The following ZNF639 variants were observed in gnomAD, a reference collection of about 807,000 sequenced individuals.
ZNF639 encodes zinc finger protein 639.
ZNF639 carries 20 observed loss-of-function variants against 39.8 expected under a neutral mutation model. That is an observed-to-expected ratio of 0.50 (90% CI 0.35 to 0.73). The LOEUF (loss-of-function observed/expected upper bound fraction) is 0.73, where lower values mean the gene tolerates loss of function less well. ZNF639 is among the 30% of genes least tolerant of loss of function. The pLI, the probability that ZNF639 is intolerant of heterozygous loss-of-function variation, is 0.00. For missense variants in ZNF639, 477 were observed against 566.2 expected (o/e 0.84, Z 1.60); for synonymous variants, 176 against 189.8 (o/e 0.93, Z 0.60).
At chr3:179,323,386 G>T (rs1445957877) in intron 1 of ZNF639, 95 bp downstream of exon 1, 4 of 985,502 alleles carry the variant, frequency 4.1e-6, no homozygotes, top group East Asian at 2.3e-4. Context: ...GGGCGGGAGA[G>T]ACCGGAGCTC....
In ZNF639 at chr3:179,323,158, G is replaced by GGGAGCGCTAGGGCCGGA; in HGVS notation, c.-214_-198dup. ...GAGGGGTCGGCCCAGCACAGCGTCC[G>GGGAGCGCTAGGGCCGGA]GGAGCGCTAGGGCCGGAGCAGCGCT... is the stretch of plus-strand genomic sequence containing the variant. On this transcript the variant is annotated 5_prime_UTR_variant, in exon 1 of 6. Transcript: ENST00000496856. 1.0e-6 allele frequency: 1 copy of GGGAGCGCTAGGGCCGGA among 984,506 alleles called. No homozygotes were observed. Among genetic ancestry groups the GGGAGCGCTAGGGCCGGA allele is most frequent in the Non-Finnish European group, 1.2e-6 (1 of 829,668 alleles). The allele number at this position is 984,506 out of a possible 1,614,324, so 61.0% of individuals were successfully genotyped here.
In ZNF639 at chr3:179,334,188, T is replaced by G; in HGVS notation, c.1224T>G (p.Cys408Trp). The G allele has an allele frequency of 6.2e-7, 1 of 1,614,064 alleles. No individual in the cohort carries two copies. Among genetic ancestry groups the G allele is most frequent in the African/African-American group, 1.3e-5 (1 of 75,056 alleles). ...TTTTTCCTCATGTTTGTGATGACTG[T>G]GGGAAAGGCTTTTCAAGTATGCTAG... ...TKIFPHVCDD[C>W]GKGFSSMLEY... Residue 408 changes from cysteine to tryptophan, a missense_variant, in exon 6 of 6, where the codon TGT becomes TGG. By Grantham distance (215) the Cys-to-Trp change is radical (BLOSUM62 -2). Coordinates refer to ENST00000496856, the MANE Select transcript of ZNF639 (RefSeq NM_001303426.2).
rs1728024585 is a variant in ZNF639 at position 179,333,347 on chromosome 3, G to A, written c.383G>A (p.Ser128Asn). Reference protein sequence around the residue: ...ESVNQQTQEESPIEVHTAEDV... With the variant: ...ESVNQQTQEENPIEVHTAEDV... ...GTCAACCAGCAAACCCAAGAGGAGAGTCCTATAGAAGTTCACACTGCTGAA... is the reference window on the plus strand; with the variant it reads ...GTCAACCAGCAAACCCAAGAGGAGAATCCTATAGAAGTTCACACTGCTGAA... The change falls in exon 6 of 6, where the codon AGT (serine) becomes AAT (asparagine). Residue 128 changes from serine to asparagine, a missense_variant. Physicochemically the swap from Ser to Asn is conservative, Grantham distance 46. Transcript: ENST00000496856. 1 of 1,613,964 alleles carries A rather than the reference G, an allele frequency of 6.2e-7. No individual in the cohort carries two copies. Among genetic ancestry groups the A allele is most frequent in the African/African-American group, 1.3e-5 (1 of 74,916 alleles).
At position 179,334,657 on chromosome 3, in the gene ZNF639, A is replaced by G. The variant is rs571829673; in HGVS notation, c.*235A>G. Reference sequence around the variant, plus strand: ...GTTTCAACCACTCTTGGTGACTGTCATCCTGTTTCTTCCATATTCTCTGAT... The same window carrying G: ...GTTTCAACCACTCTTGGTGACTGTCGTCCTGTTTCTTCCATATTCTCTGAT... On this transcript the variant is annotated 3_prime_UTR_variant, in exon 6 of 6. Coordinates refer to ENST00000496856, the MANE Select transcript of ZNF639 (RefSeq NM_001303426.2). The G allele has an allele frequency of 1.1e-5, 3 of 262,980 alleles. No homozygotes were observed. Among genetic ancestry groups the G allele is most frequent in the South Asian group, 1.4e-4 (1 of 7,162 alleles). The allele number at this position is 262,980 out of a possible 1,614,324, so 16.3% of individuals were successfully genotyped here.
At chr3:179,327,036 A>G (rs1403204033) in intron 1 of ZNF639, among the ~76,000 whole-genome samples, 1 of 151,908 alleles carries the variant, frequency 6.6e-6, no homozygotes, top group African/African-American at 2.4e-5. Flanking sequence ...CTAAAAATAG[A>G]AAAATTAGCC....
rs2108502589 is a variant in ZNF639 at position 179,331,343 on chromosome 3, A to G, written c.169+1615A>G. On this transcript the variant is annotated intron_variant, in intron 4 of 5. Coordinates refer to ENST00000496856, the MANE Select transcript of ZNF639 (RefSeq NM_001303426.2). The stretch of plus-strand genomic sequence containing the variant: ...ATTCCAAATTATTAGACTTCATCTT[A>G]GCCAAAAGGCCAAGAAGCAGTAAAA... Among the ~76,000 whole-genome samples the G allele has an allele frequency of 1.3e-5, 2 of 152,364 alleles. 1 individual carries two copies. Among genetic ancestry groups the G allele is most frequent in the African/African-American group, 4.8e-5 (2 of 41,584 alleles).
At position 179,336,335 on chromosome 3, in the gene ZNF639, A is replaced by G. The variant is rs1711526618; in HGVS notation, c.*1913A>G. ...AAATTTAACAAGCACTGCTAACATTATTTTTTAGGTTTATTGATATAAGTG... is the reference window on the plus strand; with the variant it reads ...AAATTTAACAAGCACTGCTAACATTGTTTTTTAGGTTTATTGATATAAGTG... On this transcript the variant is annotated 3_prime_UTR_variant, in exon 6 of 6. Transcript: ENST00000496856. The G allele has an allele frequency of 6.6e-6, 1 of 152,184 alleles. No homozygotes were observed. The highest frequency in any genetic ancestry group is 2.1e-4 in the South Asian group (1 of 4,830). 9.4% of individuals were successfully genotyped at this position (152,184 alleles called of 1,614,324 possible).
intron 4 of ZNF639, 47 bp downstream of exon 4, chr3:179,329,775 A>AT (rs1378105285): frequency 1.0e-6 from 1 of 1,001,538 alleles, no homozygotes; most frequent in Non-Finnish European, 1.5e-6. Flanking sequence ...CTGCTTTTAC[A>AT]TTTTTTATTC....
In ZNF639 at chr3:179,335,774, CTTTTTTTTT is replaced by C. The variant is rs35673654; in HGVS notation, c.*1361_*1369del. ...TGCAAGTCTGTCCCCCAAATTTCCT[CTTTTTTTTT>C]TTTTTTTTGCTTTTTTAATTTTTTG... On this transcript the variant is annotated 3_prime_UTR_variant, in exon 6 of 6. Coordinates refer to ENST00000496856, the MANE Select transcript of ZNF639 (RefSeq NM_001303426.2). The C allele has an allele frequency of 7.8e-6, 1 of 128,614 alleles. No individual in the cohort carries two copies. Among genetic ancestry groups the C allele is most frequent in the South Asian group, 2.5e-4 (1 of 4,040 alleles). 8.0% of individuals were successfully genotyped at this position (128,614 alleles called of 1,614,324 possible). A position where few individuals can be genotyped will look rare whatever the true frequency, so the allele number is the denominator to read the frequency against.
In ZNF639 at chr3:179,333,710, T is replaced by C. The variant is rs1330762208; in HGVS notation, c.746T>C (p.Ile249Thr). ...KESFSTNMLL[I>T]EHAKLHEEDP... ...AGTTTCTCTACCAATATGCTTCTGA[T>C]AGAACATGCCAAACTGCATGAAGAG... The change falls in exon 6 of 6, where the codon ATA becomes ACA. Residue 249 changes from isoleucine to threonine, a missense_variant. Physicochemically the swap from Ile to Thr is moderately conservative, Grantham distance 89 (BLOSUM62 -1). Coordinates refer to ENST00000496856, the MANE Select transcript of ZNF639 (RefSeq NM_001303426.2). 12 of 1,614,094 alleles carry C rather than the reference T, an allele frequency of 7.4e-6. No individual in the cohort carries two copies. Among genetic ancestry groups the C allele is most frequent in the Non-Finnish European group, 9.3e-6 (11 of 1,180,042 alleles).
At chr3:179,329,282 A>ATGGC (rs1382012559) in intron 3 of ZNF639, among the ~76,000 whole-genome samples, 3 of 152,168 alleles carry the variant, frequency 2.0e-5, no homozygotes, top group Non-Finnish European at 4.4e-5. Context: ...TCTGCATGAC[A>ATGGC]TGGCACACCT....
chr3:179,326,520 C>T (rs1174498139), intron 1 of ZNF639, among the ~76,000 whole-genome samples: 4 of 152,222 alleles, frequency 2.6e-5, no homozygotes, highest in East Asian at 1.9e-4. Flanking sequence ...GCATCTCATA[C>T]GATTACATAG....
chr3:179,331,486 G>A (rs892151716), intron 4 of ZNF639, among the ~76,000 whole-genome samples: 2 of 152,106 alleles, frequency 1.3e-5, no homozygotes, highest in African/African-American at 2.4e-5. Flanking sequence ...GAAAGTAAAA[G>A]CACAACTTTA....
intron 3 of ZNF639, among the ~76,000 whole-genome samples, chr3:179,329,355 G>A (rs1287244273): frequency 6.6e-6 from 1 of 151,968 alleles, no homozygotes; most frequent in Admixed American, 6.6e-5. Context: ...TTTTTATTTT[G>A]TGTGATTCTG....
rs1466330968 is a variant in ZNF639 at position 179,333,020 on chromosome 3, C to G, written c.201C>G (p.Asp67Glu). Residue 67 changes from aspartate (D) to glutamate (E), a missense_variant, in exon 5 of 6, where the codon GAC (aspartate) becomes GAG (glutamate). Transcript: ENST00000496856. ...ATTCTGATACCGAGACGTCAAATGA[C>G]TTGCCAAAATTTGCAGATGGAATCA... is the stretch of plus-strand genomic sequence containing the variant. The part of the protein sequence containing the change: ...DDDSDTETSN[D>E]LPKFADGIKA... 3 of 1,556,280 alleles carry G rather than the reference C, an allele frequency of 1.9e-6. No individual in the cohort carries two copies. The highest frequency in any genetic ancestry group is 2.6e-6 in the Non-Finnish European group (3 of 1,149,218).
chr3:179,329,629 A>G lies in ZNF639; in HGVS notation c.70A>G (p.Ile24Val), dbSNP rs770664897. 1 of 1,601,414 alleles carries G rather than the reference A, an allele frequency of 6.2e-7. No homozygotes were observed. Among genetic ancestry groups the G allele is most frequent in the Non-Finnish European group, 8.5e-7 (1 of 1,170,986 alleles). Residue 24 changes from isoleucine to valine, a missense_variant, in exon 4 of 6, where the codon ATA becomes GTA. By Grantham distance (29) the Ile-to-Val change is conservative. Transcript: ENST00000496856. ...CATTTTATGTTCAGATTCCTCTGGAATAAGCAGAATTGCAGATGGATTCAA... is the reference window on the plus strand; with the variant it reads ...CATTTTATGTTCAGATTCCTCTGGAGTAAGCAGAATTGCAGATGGATTCAA... ...HPSRYSDSSG[I>V]SRIADGFNGI...
intron 4 of ZNF639, among the ~76,000 whole-genome samples, chr3:179,330,432 A>G (rs144788065): frequency 6.6e-6 from 1 of 152,216 alleles, no homozygotes; most frequent in African/African-American, 2.4e-5. Flanking sequence ...ACAGGCATGC[A>G]CCACGATGCC....
At chr3:179,325,178 CG>C (rs1450521868) in intron 1 of ZNF639, 42 of 152,256 alleles carry the variant, frequency 2.8e-4, no homozygotes, top group African/African-American at 9.9e-4. Context: ...TGTGCCACCA[CG>C]CCCGGCTAAT....
chr3:179,329,525 C>T, intron 3 of ZNF639, 93 bp from the exon 4 acceptor site: 1 of 707,678 alleles, frequency 1.4e-6, no homozygotes, highest in South Asian at 1.8e-5. Flanking sequence ...CTATAATTAA[C>T]ATTAAGAACA....
Sources: gnomAD v4.1 joint callset for allele counts (sites outside exome capture counted in the v4.1 genomes callset) on GRCh38, gnomAD v4.1.1 for gene constraint, MANE v1.5 for transcripts, NCBI Gene and HGNC (gene_info 2026-07-23, HGNC 2026-07-21) for gene names.